Variants in HPCAL1 observed in about 807,000 individuals in gnomAD.
HPCAL1 encodes the protein hippocalcin-like protein 1.
Under a neutral mutation model 17.1 loss-of-function variants are expected in HPCAL1, and 8 were observed. That is an observed-to-expected ratio of 0.47 (90% CI 0.27 to 0.84). The LOEUF is 0.84. HPCAL1 is among the 40% of genes least tolerant of loss of function. The probability of loss-of-function intolerance (pLI) is 0.13; values close to 1 mark genes in which losing one functional copy is unlikely to be tolerated. For missense variants in HPCAL1, 165 were observed against 271.1 expected, an observed-to-expected ratio of 0.61 and a Z score of 2.75; for synonymous variants, 112 against 111.4, an observed-to-expected ratio of 1.01 and a Z score of -0.03.
rs553097891 is a variant in HPCAL1, at chr2:10,419,630, C to T, written c.-24-104C>T. The T allele has an allele frequency of 1.9e-5, 22 of 1,139,184 alleles. No homozygotes were observed. In the South Asian group the frequency reaches 2.6e-4, roughly 13 times the overall value. 70.6% of individuals were successfully genotyped at this position (1,139,184 alleles called of 1,614,324 possible). A position where few individuals can be genotyped will look rare whatever the true frequency, so the allele number is the denominator to read the frequency against. On this transcript the variant is annotated intron_variant, in intron 2 of 4. Transcript: ENST00000307845. The surrounding 1 kb of genome is among the most constrained non-coding windows in gnomAD (Gnocchi z 5.0). Reference sequence around the variant, plus strand: ...ATGGGGGACCCGGGAGTTGCTGAGTCGCAGCGCTTGCACAGCGATGGGCTT... The same window carrying T: ...ATGGGGGACCCGGGAGTTGCTGAGTTGCAGCGCTTGCACAGCGATGGGCTT...
At position 10,367,194 on chromosome 2, in the gene HPCAL1, T is replaced by C. The variant is rs1666902202; in HGVS notation, c.-110-29641T>C. On this transcript the variant is annotated intron_variant, in intron 1 of 4. Coordinates refer to ENST00000307845, the MANE Select transcript of HPCAL1 (RefSeq NM_002149.4). This position sits in a 1 kb window ranked among gnomAD's most constrained non-coding sequence, Gnocchi z 4.4. Reference sequence around the variant, plus strand: ...CTTGGGACTTGAGGGTAACTTCATCTCTCAAAATAGGCTGAGACTTTTTAC... The same window carrying C: ...CTTGGGACTTGAGGGTAACTTCATCCCTCAAAATAGGCTGAGACTTTTTAC... Among the ~76,000 whole-genome samples, 1 of 151,940 alleles carries C rather than the reference T, an allele frequency of 6.6e-6. No individual in the cohort carries two copies. Among genetic ancestry groups the C allele is most frequent in the South Asian group, 2.1e-4 (1 of 4,826 alleles).
intron 1 of HPCAL1, among the ~76,000 whole-genome samples, chr2:10,386,194 TG>T (rs1668299977): frequency 6.6e-6 from 1 of 152,158 alleles, no homozygotes; most frequent in African/African-American, 2.4e-5. Flanking sequence ...CCATCTTGCC[TG>T]GGCCACCATG....
chr2:10,352,118 G>A lies in HPCAL1; in HGVS notation c.-110-44717G>A, dbSNP rs1418192055. On this transcript the variant is annotated intron_variant, in intron 1 of 4. Coordinates refer to ENST00000307845, the MANE Select transcript of HPCAL1 (RefSeq NM_002149.4). ...GAGTTTTGCCTTATTGGCCAGGCTG[G>A]TCGCAAACTCCTGACCTCAAGTGAT... Among the ~76,000 whole-genome samples the A allele has an allele frequency of 3.3e-5, 5 of 152,122 alleles. No homozygotes were observed. In the East Asian group the frequency reaches 9.7e-4, roughly 29 times the overall value.
At chr2:10,413,548 C>T (rs554832087) in intron 2 of HPCAL1, among the ~76,000 whole-genome samples, 52 of 152,316 alleles carry the variant, frequency 3.4e-4, no homozygotes, top group Middle Eastern at 3.4e-3. Flanking sequence ...AGGCCGCAGG[C>T]GCACACGTCT....
At chr2:10,396,255 C>T (rs1669020004) in intron 1 of HPCAL1, among the ~76,000 whole-genome samples, 1 of 152,174 alleles carries the variant, frequency 6.6e-6, no homozygotes, top group African/African-American at 2.4e-5. Flanking sequence ...ATGCTGGGGG[C>T]AATGTGGGCC....
chr2:10,424,074 TAG>T (rs1193923282), intron 4 of HPCAL1: 2 of 174,862 alleles, frequency 1.1e-5, no homozygotes, highest in African/African-American at 4.7e-5. Flanking sequence ...GCCTGGGCGA[TAG>T]AGTGAGACTC....
intron 2 of HPCAL1, among the ~76,000 whole-genome samples, chr2:10,399,839 CA>C (rs1489496953): frequency 6.6e-6 from 1 of 152,158 alleles, no homozygotes; most frequent in East Asian, 1.9e-4. Flanking sequence ...CCCAGACACT[CA>C]TGCGTTCCTT....
At chr2:10,402,898 C>T (rs1226065614) in intron 2 of HPCAL1, among the ~76,000 whole-genome samples, 5 of 152,140 alleles carry the variant, frequency 3.3e-5, no homozygotes, top group Non-Finnish European at 5.9e-5. Flanking sequence ...AGGGAGGACG[C>T]GCGTCTCACA....
At chr2:10,409,075 T>C (rs1044404849) in intron 2 of HPCAL1, among the ~76,000 whole-genome samples, 3 of 152,180 alleles carry the variant, frequency 2.0e-5, no homozygotes, top group Non-Finnish European at 2.9e-5. Flanking sequence ...TAATGAGATA[T>C]TTTATGTTGT....
At chr2:10,320,542 C>T (rs1177685555) in intron 1 of HPCAL1, among the ~76,000 whole-genome samples, 4 of 152,346 alleles carry the variant, frequency 2.6e-5, no homozygotes, top group East Asian at 1.9e-4. Flanking sequence ...TATGTGGAAC[C>T]GTGAGCCAAT....
At chr2:10,388,641 T>C (rs1314036608) in intron 1 of HPCAL1, among the ~76,000 whole-genome samples, 1 of 152,186 alleles carries the variant, frequency 6.6e-6, no homozygotes, top group Non-Finnish European at 1.5e-5. Flanking sequence ...ACTCTCTGGT[T>C]TTCAAAGTTT....
intron 1 of HPCAL1, among the ~76,000 whole-genome samples, chr2:10,312,379 G>A (rs1035878080): frequency 5.0e-5 from 4 of 79,582 alleles, no homozygotes; most frequent in South Asian, 6.5e-4. Context: ...CATCACCACC[G>A]TCATTGCTGT....
chr2:10,420,209 C>CTTTTTTT (rs369044166), intron 3 of HPCAL1, 74 bp downstream of exon 3: 18 of 571,992 alleles, frequency 3.1e-5, no homozygotes, highest in East Asian at 1.5e-4. Context: ...CAGCCCAGGG[C>CTTTTTTT]TTTTTTTTTT....
Position 10,343,938 on chromosome 2 carries a change from G to A in HPCAL1, c.-111+40761G>A, listed in dbSNP as rs901084122. On this transcript the variant is annotated intron_variant, in intron 1 of 4. Coordinates refer to ENST00000307845, the MANE Select transcript of HPCAL1 (RefSeq NM_002149.4). The surrounding 1 kb of genome is among the most constrained non-coding windows in gnomAD (Gnocchi z 4.8). Reference sequence around the variant, plus strand: ...CTTGGGCCTCCATGCCTCCTGGGAGGCTGCACCTCTTGGGATATAGAGAAC... The same window carrying A: ...CTTGGGCCTCCATGCCTCCTGGGAGACTGCACCTCTTGGGATATAGAGAAC... 1.3e-5 allele frequency among the ~76,000 whole-genome samples: 2 copies of A among 152,178 alleles called. No homozygotes were observed. The highest frequency in any genetic ancestry group is 4.8e-5 in the African/African-American group (2 of 41,444).
chr2:10,403,569 C>T (rs368341779), intron 2 of HPCAL1, among the ~76,000 whole-genome samples: 44 of 151,962 alleles, frequency 2.9e-4, no homozygotes, highest in African/African-American at 9.7e-4. Context: ...CTGCAACCTC[C>T]GCCTCCCAGG....
chr2:10,306,785 T>C (rs908952300), intron 1 of HPCAL1, among the ~76,000 whole-genome samples: 3 of 152,094 alleles, frequency 2.0e-5, no homozygotes, highest in Non-Finnish European at 4.4e-5. Context: ...GCACAGTAAA[T>C]CCTTTAAAGA....
intron 2 of HPCAL1, among the ~76,000 whole-genome samples, chr2:10,411,868 C>T (rs1182375525): frequency 6.6e-6 from 1 of 152,222 alleles, no homozygotes; most frequent in African/African-American, 2.4e-5. Flanking sequence ...AGACTTCCCT[C>T]AACTCACCCA....
At chr2:10,387,534 G>A (rs184189212) in intron 1 of HPCAL1, among the ~76,000 whole-genome samples, 2 of 152,374 alleles carry the variant, frequency 1.3e-5, no homozygotes, top group East Asian at 3.9e-4. Context: ...ATGCTGGTAA[G>A]CAGGCGATAC....
intron 1 of HPCAL1, among the ~76,000 whole-genome samples, chr2:10,332,100 C>G (rs773328422): frequency 1.3e-5 from 2 of 152,118 alleles, no homozygotes; most frequent in East Asian, 3.9e-4. Context: ...CTCCTTGTCA[C>G]CCGTTGTCAG....
Sources: gnomAD v4.1 joint callset for allele counts (sites outside exome capture counted in the v4.1 genomes callset) on GRCh38, gnomAD v4.1.1 for gene constraint, Gnocchi (gnomAD v3.1) non-coding constraint, MANE v1.5 for transcripts, NCBI Gene and HGNC (gene_info 2026-07-23, HGNC 2026-07-21) for gene names.